Variants in ACP6 observed in about 807,000 individuals in gnomAD.
The protein encoded by ACP6 is lysophosphatidic acid phosphatase type 6.
Under a neutral mutation model 48.1 loss-of-function variants are expected in ACP6, and 48 were observed. The ratio of observed to expected loss-of-function variants is 1.00; its 90% CI spans 0.79 to 1.27. The LOEUF (loss-of-function observed/expected upper bound fraction) is 1.27. Ranked by LOEUF, ACP6 falls within the 50% of genes most tolerant of loss-of-function variation. The pLI is 0.00. For synonymous variants in ACP6, 172 were observed against 204.2 expected (o/e 0.84, Z 1.34); for missense variants, 485 against 529.1 (o/e 0.92, Z 0.82).
At chr1:147,630,550 C>G (rs1457160156) in exon 6 of ACP6, 2 of 152,178 alleles carry the variant, frequency 1.3e-5, no homozygotes, top group African/African-American at 4.8e-5. Context: ...ACAGCTACCC[C>G]ATGAGCTGTT....
downstream of ACP6, among the ~76,000 whole-genome samples, chr1:147,637,558 CCTGGCTGTGCT>C (rs1659329543): frequency 6.6e-6 from 1 of 152,174 alleles, no homozygotes; most frequent in South Asian, 2.1e-4. Flanking sequence ...AGAACAGTTC[CCTGGCTGTGCT>C]CTGAACTGTG....
chr1:147,637,438 A>G (rs1034772889), downstream of ACP6, among the ~76,000 whole-genome samples: 23 of 152,202 alleles, frequency 1.5e-4, no homozygotes, highest in Admixed American at 1.4e-3. Flanking sequence ...GTGCCCACAT[A>G]AATCAAATAT....
chr1:147,633,736 T>C (rs1455429525), intron 5 of ACP6, among the ~76,000 whole-genome samples: 1 of 152,170 alleles, frequency 6.6e-6, no homozygotes, highest in Non-Finnish European at 1.5e-5. Flanking sequence ...ATCTTTATAT[T>C]GGTTCTAACT....
Position 147,647,075 on chromosome 1 carries a change from T to C in ACP6, c.*348A>G, listed in dbSNP as rs1659654879. ...GTGTTTTCACCTTTATAATGATCAC[T>C]ACTTAGTAGGTAGCTCAATACATGT... On this transcript the variant is annotated 3_prime_UTR_variant, in exon 10 of 10. Transcript: ENST00000583509. The C allele has an allele frequency of 8.1e-6, 2 of 246,286 alleles. No homozygotes were observed. Among genetic ancestry groups the C allele is most frequent in the Admixed American group, 5.2e-5 (1 of 19,360 alleles). The allele number at this position is 246,286 out of a possible 1,614,324, so 15.3% of individuals were successfully genotyped here. A position where few individuals can be genotyped will look rare whatever the true frequency, so the allele number is the denominator to read the frequency against.
rs370431481 is a variant in ACP6, at chr1:147,655,566, C to CA, written c.560-319dup. ...AGACTGGCAACTCCCTGACACCTTC[C>CA]AAAAAATCCCTGCTGTAAAGCACTA... On this transcript the variant is annotated intron_variant, in intron 4 of 9. Coordinates refer to ENST00000583509, the MANE Select transcript of ACP6 (RefSeq NM_016361.5). Among the ~76,000 whole-genome samples the CA allele has an allele frequency of 6.8e-3, 1,033 of 152,224 alleles. 13 individuals carry two copies. The highest frequency in any genetic ancestry group is 0.024 in the African/African-American group (986 of 41,524).
rs1553214369 is a variant in ACP6, at chr1:147,669,918, T to C, written c.131A>G (p.Asp44Gly). The change falls in exon 1 of 10, where the codon GAC becomes GGC. Residue 44 changes from aspartate to glycine, a missense_variant. Coordinates refer to ENST00000583509, the MANE Select transcript of ACP6 (RefSeq NM_016361.5). Reference sequence around the variant, plus strand: ...CATTTTCAACTTCAGCAGGCTGCGGTCGACCGGACACTGGCCATCGGCCTC... The same window carrying C: ...CATTTTCAACTTCAGCAGGCTGCGGCCGACCGGACACTGGCCATCGGCCTC... ...LQEADGQCPV[D>G]RSLLKLKMVQ... The C allele has an allele frequency of 1.3e-6, 2 of 1,582,960 alleles. No homozygotes were observed. The highest frequency in any genetic ancestry group is 1.3e-5 in the African/African-American group (1 of 74,494).
At position 147,659,053 on chromosome 1, in the gene ACP6, GA is replaced by G. The variant is rs1553212201; in HGVS notation, c.480-15del. ...GTGGAACGAATACTGAAAAAAATGAGAAAATAGTGACACTCATAAAAGGAAT... is the reference window on the plus strand; with the variant it reads ...GTGGAACGAATACTGAAAAAAATGAGAAATAGTGACACTCATAAAAGGAAT... On this transcript the variant is annotated splice_polypyrimidine_tract_variant and intron_variant, in intron 3 of 9. Transcript: ENST00000583509. 1 of 1,600,246 alleles carries G rather than the reference GA, an allele frequency of 6.2e-7. No individual in the cohort carries two copies. The highest frequency in any genetic ancestry group is 1.3e-5 in the African/African-American group (1 of 74,268).
chr1:147,630,161 A>G (rs1009849897), exon 6 of ACP6: 2 of 152,192 alleles, frequency 1.3e-5, no homozygotes, highest in Non-Finnish European at 2.9e-5. Flanking sequence ...ACCCAGCCCT[A>G]GGAAACTGCA....
chr1:147,668,227 C>T (rs1660900351), intron 1 of ACP6, among the ~76,000 whole-genome samples: 1 of 152,130 alleles, frequency 6.6e-6, no homozygotes, highest in Non-Finnish European at 1.5e-5. Flanking sequence ...TATGCCTTCT[C>T]TAATTGCAAA....
At chr1:147,654,407 T>A in intron 5 of ACP6, 81 bp from the exon 6 acceptor site, 1 of 1,520,222 alleles carries the variant, frequency 6.6e-7, no homozygotes, top group Non-Finnish European at 8.9e-7. Flanking sequence ...TGGGTTATCA[T>A]TTGGGATATC....
intron 9 of ACP6, 127 bp downstream of exon 9, chr1:147,648,119 T>A: frequency 9.0e-7 from 1 of 1,115,266 alleles, no homozygotes; most frequent in South Asian, 1.5e-5. Flanking sequence ...CCTATAGGAT[T>A]CAGAGAGCTG....
At chr1:147,655,443 G>A (rs1280911378) in intron 4 of ACP6, among the ~76,000 whole-genome samples, 195 bp from the exon 5 acceptor site, 1 of 152,156 alleles carries the variant, frequency 6.6e-6, no homozygotes, top group African/African-American at 2.4e-5. Flanking sequence ...CCTATAATCT[G>A]AGCAATGAAA....
exon 6 of ACP6, chr1:147,630,610 C>T (rs1001034244): frequency 4.6e-5 from 7 of 152,232 alleles, no homozygotes; most frequent in Admixed American, 1.3e-4. Flanking sequence ...TGATCTAAGG[C>T]CACGCTTTTG....
Position 147,643,508 on chromosome 1 carries a change from T to A in ACP6, c.*3915A>T, listed in dbSNP as rs1240208899. ...AGATGACAATGAGCTGAGATCTGAATGAAAAGAGGGAGCTAGCCACGCAAA... is the reference window on the plus strand; with the variant it reads ...AGATGACAATGAGCTGAGATCTGAAAGAAAAGAGGGAGCTAGCCACGCAAA... On this transcript the variant is annotated 3_prime_UTR_variant, in exon 10 of 10. Transcript: ENST00000583509. 3.9e-5 allele frequency: 6 copies of A among 152,082 alleles called. No homozygotes were observed. The highest frequency in any genetic ancestry group is 8.8e-5 in the Non-Finnish European group (6 of 68,054). The allele number at this position is 152,082 out of a possible 1,614,324, so 9.4% of individuals were successfully genotyped here.
intron 5 of ACP6, among the ~76,000 whole-genome samples, chr1:147,632,170 C>T (rs1659184384): frequency 6.8e-6 from 1 of 147,994 alleles, no homozygotes; most frequent in Non-Finnish European, 1.5e-5. Context: ...CTCTGAGTAC[C>T]CTGTCAAATA....
At chr1:147,665,771 G>A (rs1206192154) in intron 1 of ACP6, among the ~76,000 whole-genome samples, 3 of 152,126 alleles carry the variant, frequency 2.0e-5, no homozygotes, top group Non-Finnish European at 4.4e-5. Flanking sequence ...TAGGAGTCTG[G>A]AGTCCAGGTC....
intron 8 of ACP6, 32 bp from the exon 9 acceptor site, chr1:147,648,443 T>C (rs782082534): frequency 1.2e-6 from 2 of 1,611,984 alleles, no homozygotes; most frequent in South Asian, 1.1e-5. Flanking sequence ...CACAATTCTC[T>C]GCCTCAGGAC....
At chr1:147,639,420 G>C (rs1553208385), downstream of ACP6, among the ~76,000 whole-genome samples, 1 of 152,156 alleles carries the variant, frequency 6.6e-6, no homozygotes, top group Non-Finnish European at 1.5e-5. Context: ...CCTTTATGCA[G>C]CTGGCTTCAG....
intron 4 of ACP6, among the ~76,000 whole-genome samples, chr1:147,657,507 G>A (rs1374526676): frequency 1.3e-5 from 2 of 151,928 alleles, no homozygotes; most frequent in African/African-American, 4.8e-5. Flanking sequence ...TGCAACCTCC[G>A]CCTCCCGAGT....
Sources: gnomAD v4.1 joint callset for allele counts (sites outside exome capture counted in the v4.1 genomes callset) on GRCh38, gnomAD v4.1.1 for gene constraint, MANE v1.5 for transcripts, NCBI Gene and HGNC (gene_info 2026-07-23, HGNC 2026-07-21) for gene names.